The following LRBA variants were observed in gnomAD, a reference collection of about 807,000 sequenced individuals.
LRBA encodes lipopolysaccharide-responsive and beige-like anchor protein.
Under a neutral mutation model 330.0 loss-of-function variants are expected in LRBA, and 176 were observed. That is an observed-to-expected ratio of 0.53 (90% CI 0.47 to 0.60). LRBA has a LOEUF of 0.60. Ranked by LOEUF, LRBA falls within the 20% of genes least tolerant of loss-of-function variation. The probability of loss-of-function intolerance (pLI) is 0.00; values close to 1 mark genes in which losing one functional copy is unlikely to be tolerated. For missense variants in LRBA, 3,259 were observed against 3,444.8 expected (o/e 0.95, Z 1.35); for synonymous variants, 1,230 against 1,193.0 (o/e 1.03, Z -0.64).
chr4:150,355,338 ATTTG>A (rs1002974996), intron 47 of LRBA, among the ~76,000 whole-genome samples: 2 of 152,026 alleles, frequency 1.3e-5, no homozygotes, highest in Non-Finnish European at 2.9e-5. Flanking sequence ...AAGAAACCTT[ATTTG>A]TTTATTATTT....
At chr4:150,338,556 T>C in intron 48 of LRBA, among the ~76,000 whole-genome samples, 1 of 152,294 alleles carries the variant, frequency 6.6e-6, no homozygotes, top group South Asian at 2.1e-4. Flanking sequence ...AGATCTGCCC[T>C]GGTGTCCCTT....
In LRBA at chr4:150,609,007, G is replaced by A. The variant is rs182211899; in HGVS notation, c.5922-9876C>T. Among the ~76,000 whole-genome samples, 423 of 152,318 alleles carry A rather than the reference G, an allele frequency of 2.8e-3. 8 individuals carry two copies. The highest frequency in any genetic ancestry group is 0.027 in the Admixed American group (407 of 15,300). On this transcript the variant is annotated intron_variant, in intron 37 of 56. Transcript: ENST00000651943. The stretch of plus-strand genomic sequence containing the variant: ...CATTTTGATTATCCATTCATGTACT[G>A]ATGAACACTTGAGTTGTTTCCATTT...
intron 40 of LRBA, among the ~76,000 whole-genome samples, chr4:150,530,803 A>G (rs1272030290): frequency 2.6e-5 from 4 of 152,240 alleles, no homozygotes; most frequent in Non-Finnish European, 5.9e-5. Context: ...AAAAAGGAAA[A>G]GAAAGACCTT....
chr4:150,265,453 T>C lies in LRBA; in HGVS notation c.*269A>G. ...TAAGTGGTTTACTTGCTCCACTGTA[T>C]GTTTCCATAATTGGTGAAAATAGAC... On this transcript the variant is annotated 3_prime_UTR_variant, in exon 57 of 57. Transcript: ENST00000651943. 3.3e-6 allele frequency: 1 copy of C among 307,486 alleles called. No homozygotes were observed. 19.0% of individuals were successfully genotyped at this position (307,486 alleles called of 1,614,324 possible).
chr4:150,761,848 C>T lies in LRBA; in HGVS notation c.5581-1G>A. On this transcript the variant is annotated splice_acceptor_variant, in intron 34 of 56. Coordinates refer to ENST00000651943, the MANE Select transcript of LRBA (RefSeq NM_001364905.1). LOFTEE classifies it high-confidence loss of function. ...TCTTCTGAATAGAATTTTGCCACTC[C>T]TATAAAAAAAAAAGCAAAAATAGCT... 3.3e-6 allele frequency: 5 copies of T among 1,509,310 alleles called. No individual in the cohort carries two copies. The highest frequency in any genetic ancestry group is 4.4e-6 in the Non-Finnish European group (5 of 1,128,998). The allele number at this position is 1,509,310 out of a possible 1,614,324, so 93.5% of individuals were successfully genotyped here. A position where few individuals can be genotyped will look rare whatever the true frequency, so the allele number is the denominator to read the frequency against.
chr4:150,380,700 G>A (rs1446568143), intron 47 of LRBA, among the ~76,000 whole-genome samples: 1 of 151,950 alleles, frequency 6.6e-6, no homozygotes, highest in Non-Finnish European at 1.5e-5. Flanking sequence ...TTTAGGCCAG[G>A]TGCAGTGGCT....
In LRBA at chr4:150,588,074, G is replaced by T. The variant is rs770437649; in HGVS notation, c.6304C>A (p.Pro2102Thr). ...ELYFEVDEED[P>T]NFKKIDPKIL... ...TTGGGGTCGATTTTTTTGAAGTTAG[G>T]ATCCTCTTCATCCACCTCAAAATAG... The change falls in exon 40 of 57, where the codon CCT becomes ACT. Residue 2102 changes from proline to threonine, a missense_variant. Coordinates refer to ENST00000651943, the MANE Select transcript of LRBA (RefSeq NM_001364905.1). The T allele has an allele frequency of 6.2e-7, 1 of 1,611,936 alleles. No homozygotes were observed. Among genetic ancestry groups the T allele is most frequent in the East Asian group, 2.2e-5 (1 of 44,820 alleles).
At chr4:150,914,140 C>A in intron 9 of LRBA, 55 bp downstream of exon 9, 1 of 1,442,832 alleles carries the variant, frequency 6.9e-7, no homozygotes, top group Non-Finnish European at 9.3e-7. Context: ...GTATAACCCA[C>A]CTTCAAATCA....
At chr4:150,508,515 C>A (rs1363535884) in intron 40 of LRBA, among the ~76,000 whole-genome samples, 1 of 152,132 alleles carries the variant, frequency 6.6e-6, no homozygotes, top group Non-Finnish European at 1.5e-5. Context: ...TCTCGAACTC[C>A]TGACCTCAAA....
chr4:150,823,806 G>T (rs985142229), intron 30 of LRBA, among the ~76,000 whole-genome samples: 1 of 151,874 alleles, frequency 6.6e-6, no homozygotes, highest in Non-Finnish European at 1.5e-5. Flanking sequence ...CTATTCCATT[G>T]GTCTATGTAT....
intron 37 of LRBA, among the ~76,000 whole-genome samples, chr4:150,639,373 G>A (rs544742005): frequency 0.011 from 848 of 78,912 alleles, 6 homozygotes; most frequent in Middle Eastern, 0.047. Context: ...AAAAAAAAAA[G>A]AAAAAAAAAA....
intron 47 of LRBA, among the ~76,000 whole-genome samples, chr4:150,414,034 G>C (rs1390232511): frequency 2.0e-5 from 3 of 152,100 alleles, no homozygotes; most frequent in Non-Finnish European, 4.4e-5. Context: ...TGTTCCATAA[G>C]ACTGTGATAG....
rs762725791 is a variant in LRBA at position 150,905,830 on chromosome 4, T to A, written c.1755+8A>T. The A allele has an allele frequency of 6.2e-7, 1 of 1,606,974 alleles. No individual in the cohort carries two copies. The highest frequency in any genetic ancestry group is 8.5e-7 in the Non-Finnish European group (1 of 1,174,950). ...GTAAAACAATATCAATATATAGATA[T>A]ATATTACCTTGGCTGGGGTATGAAT... On this transcript the variant is annotated splice_region_variant and intron_variant, in intron 13 of 56. Coordinates refer to ENST00000651943, the MANE Select transcript of LRBA (RefSeq NM_001364905.1).
chr4:150,848,118 G>A (rs907010634), intron 26 of LRBA, among the ~76,000 whole-genome samples: 4 of 152,070 alleles, frequency 2.6e-5, no homozygotes, highest in South Asian at 2.1e-4. Context: ...AGGTTCAAGC[G>A]ATTCTGCTGC....
At chr4:150,388,862 G>C (rs1743467213) in intron 47 of LRBA, among the ~76,000 whole-genome samples, 1 of 152,044 alleles carries the variant, frequency 6.6e-6, no homozygotes, top group South Asian at 2.1e-4. Context: ...TAAAAATTCA[G>C]TTCCTCAGTA....
intron 40 of LRBA, chr4:150,579,881 C>A: frequency 5.4e-6 from 2 of 368,754 alleles, no homozygotes; most frequent in Non-Finnish European, 1.1e-5. Context: ...AAGCGACCAC[C>A]TCGAGAGTGG....
At chr4:150,614,513 T>C (rs990498644) in intron 37 of LRBA, among the ~76,000 whole-genome samples, 2 of 152,214 alleles carry the variant, frequency 1.3e-5, no homozygotes, top group African/African-American at 4.8e-5. Flanking sequence ...CCTAAAATTG[T>C]CTATGATACA....
chr4:150,356,617 T>C (rs781764919), intron 47 of LRBA, among the ~76,000 whole-genome samples: 60 of 152,038 alleles, frequency 3.9e-4, no homozygotes, highest in Non-Finnish European at 7.8e-4. Context: ...AAATTCAGAA[T>C]ACAAATATGT....
chr4:150,757,846 T>C (rs542300743), intron 35 of LRBA, among the ~76,000 whole-genome samples: 1 of 152,246 alleles, frequency 6.6e-6, no homozygotes, highest in South Asian at 2.1e-4. Flanking sequence ...ACTGTTTATT[T>C]CAAACACGTA....
Sources: gnomAD v4.1 joint callset for allele counts (sites outside exome capture counted in the v4.1 genomes callset) on GRCh38, gnomAD v4.1.1 for gene constraint, MANE v1.5 for transcripts, NCBI Gene and HGNC (gene_info 2026-07-23, HGNC 2026-07-21) for gene names.